The following AOPEP variants were observed in gnomAD, a reference collection of about 807,000 sequenced individuals.
The protein encoded by AOPEP is aminopeptidase O.
Under a neutral mutation model 98.1 loss-of-function variants are expected in AOPEP, and 77 were observed. The observed-to-expected ratio is 0.78, with a 90% CI of 0.65 to 0.95. The LOEUF (loss-of-function observed/expected upper bound fraction) is 0.95, where lower values mean the gene tolerates loss of function less well. Among genes scored for constraint, AOPEP ranks in the 40% least tolerant of loss-of-function variants. AOPEP has a pLI of 0.00. For missense variants in AOPEP, 1,024 were observed against 1,024.7 expected (o/e 1.00, Z 0.01); for synonymous variants, 346 against 365.3 (o/e 0.95, Z 0.60).
chr9:94,991,845 C>G lies in AOPEP; in HGVS notation c.1977+12418C>G, dbSNP rs149859737. ...TAGGAAATACTGGGCTCCATTGCAT[C>G]AAAAAGCTGGTATATTTTTTGGTGT... is the stretch of plus-strand genomic sequence containing the variant. On this transcript the variant is annotated intron_variant, in intron 11 of 16. Coordinates refer to ENST00000375315, the MANE Select transcript of AOPEP (RefSeq NM_001193329.3). 2.0e-5 allele frequency among the ~76,000 whole-genome samples: 3 copies of G among 152,228 alleles called. No individual in the cohort carries two copies. In the East Asian group the frequency reaches 5.8e-4, roughly 29 times the overall value.
In AOPEP at chr9:94,766,054, A is replaced by AACAC; in HGVS notation, c.797+5474_797+5475insACAC. On this transcript the variant is annotated intron_variant, in intron 2 of 16. Transcript: ENST00000375315. ...TGATGAGAACAAAGACAGGGTCAAG[A>AACAC]GTTGTGTAAAGGTGTTCTTGCCAAG... Among the ~76,000 whole-genome samples the AACAC allele has an allele frequency of 2.6e-5, 4 of 152,316 alleles. No individual in the cohort carries two copies. The South Asian group carries it at 6.2e-4, about 24-fold the overall frequency.
chr9:95,136,965 C>A, the AOPEP span, among the ~76,000 whole-genome samples: 1 of 152,184 alleles, frequency 6.6e-6, no homozygotes, highest in African/African-American at 2.4e-5. Context: ...AGCCACCTGC[C>A]CTTTACCTGC....
At chr9:95,107,438 A>C in the AOPEP span, 21 of 693,542 alleles carry the variant, frequency 3.0e-5, no homozygotes, top group Non-Finnish European at 4.3e-5. Flanking sequence ...ACAAACCCAA[A>C]TGGGCGGAAT....
rs1028221753 is a variant in AOPEP at position 94,928,498 on chromosome 9, T to A, written c.1628T>A (p.Met543Lys). Residue 543 changes from methionine to lysine, a missense_variant, in exon 7 of 17, where the codon ATG (methionine) becomes AAG (lysine). Met to Lys is a moderately conservative substitution (Grantham distance 95, BLOSUM62 -1). Coordinates refer to ENST00000375315, the MANE Select transcript of AOPEP (RefSeq NM_001193329.3). ...CGCTGGCGTCGCCTCCAGGACGAGA[T>A]GCAATGCTCCCCCGAGGAGATGCAG... is the stretch of plus-strand genomic sequence containing the variant. ...CLRWRRLQDE[M>K]QCSPEEMQVL... 1.4e-4 allele frequency: 216 copies of A among 1,550,712 alleles called. No homozygotes were observed. The highest frequency in any genetic ancestry group is 1.8e-4 in the Non-Finnish European group (211 of 1,147,078).
At chr9:95,027,945 C>T (rs924556456) in intron 13 of AOPEP, among the ~76,000 whole-genome samples, 2 of 152,202 alleles carry the variant, frequency 1.3e-5, no homozygotes, top group Admixed American at 6.5e-5. Flanking sequence ...AAATAACCCT[C>T]TCGTCGTGGG....
At position 94,840,525 on chromosome 9, in the gene AOPEP, T is replaced by C. The variant is rs2042149506; in HGVS notation, c.1364+39523T>C. ...TGGCCTTATAAACTGAGTTTGGAAG[T>C]ATTCCCTTCTAGAAGAGAATGTTTT... On this transcript the variant is annotated intron_variant, in intron 5 of 16. Coordinates refer to ENST00000375315, the MANE Select transcript of AOPEP (RefSeq NM_001193329.3). 2.0e-5 allele frequency among the ~76,000 whole-genome samples: 3 copies of C among 152,252 alleles called. No individual in the cohort carries two copies. The South Asian group carries it at 6.2e-4, about 32-fold the overall frequency.
At chr9:94,924,197 T>C (rs1206878461) in intron 6 of AOPEP, 22 bp downstream of exon 6, 1 of 1,334,442 alleles carries the variant, frequency 7.5e-7, no homozygotes, top group Middle Eastern at 1.9e-4. Flanking sequence ...TGACCCTAAG[T>C]ATTTCACTAC....
At chr9:94,738,660 G>A (rs1030504271) in intron 1 of AOPEP, among the ~76,000 whole-genome samples, 6 of 152,216 alleles carry the variant, frequency 3.9e-5, no homozygotes, top group Admixed American at 1.3e-4. Context: ...TGCAAGTTCC[G>A]CTCCCCGGGT....
chr9:94,956,022 T>TA lies in AOPEP; in HGVS notation c.1872+8dup. The TA allele has an allele frequency of 6.4e-7, 1 of 1,553,354 alleles. No homozygotes were observed. On this transcript the variant is annotated splice_region_variant and intron_variant, in intron 9 of 16. Coordinates refer to ENST00000375315, the MANE Select transcript of AOPEP (RefSeq NM_001193329.3). ...ACAGCTGATTCTTTCCCAGGTAACT[T>TA]ATGGGTCCTCATGAGTCCATGATGT...
At chr9:95,033,986 C>A (rs915870575) in intron 13 of AOPEP, among the ~76,000 whole-genome samples, 3 of 152,112 alleles carry the variant, frequency 2.0e-5, no homozygotes, top group Non-Finnish European at 4.4e-5. Flanking sequence ...ATATTGTTTT[C>A]TCCCCTTGCT....
At chr9:94,851,194 G>T (rs898079846) in intron 5 of AOPEP, among the ~76,000 whole-genome samples, 1 of 152,182 alleles carries the variant, frequency 6.6e-6, no homozygotes, top group Non-Finnish European at 1.5e-5. Flanking sequence ...GTAGCCAAAG[G>T]GGTGCTCATT....
chr9:94,844,276 T>C (rs2042595283), intron 5 of AOPEP, among the ~76,000 whole-genome samples: 1 of 152,118 alleles, frequency 6.6e-6, no homozygotes, highest in African/African-American at 2.4e-5. Flanking sequence ...GGCTGGTCAC[T>C]AACTAGTAGT....
At chr9:95,019,041 A>G (rs952640030) in intron 13 of AOPEP, 1 of 152,226 alleles carries the variant, frequency 6.6e-6, no homozygotes, top group African/African-American at 2.4e-5. Context: ...GACGTTAAAA[A>G]AAAATCAGGC....
chr9:95,100,141 C>A, the AOPEP span: 1 of 232,646 alleles, frequency 4.3e-6, no homozygotes, highest in Non-Finnish European at 8.5e-6. Context: ...CTTTTTCAAC[C>A]CCAACACCTC....
intron 13 of AOPEP, among the ~76,000 whole-genome samples, chr9:95,033,407 T>G (rs1177786486): frequency 6.6e-6 from 1 of 152,114 alleles, no homozygotes; most frequent in Non-Finnish European, 1.5e-5. Flanking sequence ...CCTCCCTCCC[T>G]GTTGTGTTTC....
At chr9:94,765,445 T>TAATAATAATAATAA (rs1453078966) in intron 2 of AOPEP, among the ~76,000 whole-genome samples, 4 of 142,738 alleles carry the variant, frequency 2.8e-5, no homozygotes, top group Admixed American at 1.4e-4. Flanking sequence ...ACAAAAATAA[T>TAATAATAATAATAA]AATAATAATA....
chr9:94,777,984 A>G (rs1259340269), intron 3 of AOPEP, among the ~76,000 whole-genome samples: 5 of 152,212 alleles, frequency 3.3e-5, no homozygotes, highest in African/African-American at 1.2e-4. Context: ...AAAGAAAATG[A>G]GCAAATGACA....
At chr9:94,927,305 G>A (rs1390727488) in intron 6 of AOPEP, among the ~76,000 whole-genome samples, 2 of 152,138 alleles carry the variant, frequency 1.3e-5, no homozygotes, top group Non-Finnish European at 2.9e-5. Context: ...CAGTCACACC[G>A]GGGTAAGGCC....
intron 5 of AOPEP, among the ~76,000 whole-genome samples, chr9:94,861,413 T>C (rs2044969899): frequency 6.6e-6 from 1 of 152,212 alleles, no homozygotes; most frequent in African/African-American, 2.4e-5. Context: ...CTTTCCTGTG[T>C]ATTCATCTGT....
Sources: gnomAD v4.1 joint callset for allele counts (sites outside exome capture counted in the v4.1 genomes callset) on GRCh38, gnomAD v4.1.1 for gene constraint, MANE v1.5 for transcripts, NCBI Gene and HGNC (gene_info 2026-07-23, HGNC 2026-07-21) for gene names.